The following MITF variants were observed in gnomAD, a reference collection of about 807,000 sequenced individuals.
MITF encodes the protein melanocyte inducing transcription factor, also known as microphthalmia-associated transcription factor.
In MITF, 17 loss-of-function variants were observed where a neutral mutation model predicts 60.5. That is an observed-to-expected ratio of 0.28 (90% confidence interval 0.19 to 0.42). MITF has a LOEUF of 0.42. Ranked by LOEUF, MITF falls within the 10% of genes least tolerant of loss-of-function variation. The probability of loss-of-function intolerance (pLI) is 1.00; values close to 1 mark genes in which losing one functional copy is unlikely to be tolerated. For missense variants in MITF, 622 were observed against 683.5 expected (o/e 0.91, Z 1.00); for synonymous variants, 260 against 248.5 (o/e 1.05, Z -0.43).
intron 1 of MITF, among the ~76,000 whole-genome samples, chr3:69,870,920 C>T (rs1559687073): frequency 6.6e-6 from 1 of 152,074 alleles, no homozygotes. Context: ...GACTTTTTCC[C>T]CAGTATTACT....
chr3:69,908,962 T>C (rs1388024998), intron 2 of MITF, among the ~76,000 whole-genome samples: 2 of 152,250 alleles, frequency 1.3e-5, no homozygotes, highest in African/African-American at 2.4e-5. Flanking sequence ...CTTATAGTTA[T>C]AGGATATAGT....
At chr3:69,951,383 A>G (rs1164817200) in intron 6 of MITF, among the ~76,000 whole-genome samples, 4 of 151,982 alleles carry the variant, frequency 2.6e-5, no homozygotes, top group Non-Finnish European at 5.9e-5. Context: ...CTGGGCCACT[A>G]CTCAGTTTTT....
At chr3:69,894,224 A>G (rs931826204) in intron 2 of MITF, among the ~76,000 whole-genome samples, 15 of 152,232 alleles carry the variant, frequency 9.9e-5, no homozygotes, top group Non-Finnish European at 1.6e-4. Context: ...CAGGGCCTAC[A>G]TTGCAGAACC....
chr3:69,822,135 A>C (rs2063285683), intron 1 of MITF, among the ~76,000 whole-genome samples: 2 of 152,222 alleles, frequency 1.3e-5, no homozygotes, highest in Non-Finnish European at 2.9e-5. Context: ...AAAGGTCTAC[A>C]AACTATAAAC....
At chr3:69,939,297 T>A in intron 4 of MITF, 116 bp downstream of exon 4, 1 of 913,254 alleles carries the variant, frequency 1.1e-6, no homozygotes, top group Middle Eastern at 2.2e-4. Flanking sequence ...TTTTTTTTTT[T>A]TTTATAGAGA....
chr3:69,938,102 G>T, intron 3 of MITF, 53 bp downstream of exon 3: 7 of 1,557,336 alleles, frequency 4.5e-6, no homozygotes, highest in Non-Finnish European at 6.2e-6. Context: ...TAACTTGTCT[G>T]TTGAATATGA....
intron 2 of MITF, among the ~76,000 whole-genome samples, chr3:69,905,521 A>G (rs1412947025): frequency 1.3e-5 from 2 of 152,128 alleles, no homozygotes; most frequent in African/African-American, 4.8e-5. Flanking sequence ...GCTGAATCAT[A>G]TAGTAGACAT....
intron 1 of MITF, among the ~76,000 whole-genome samples, chr3:69,821,003 C>T (rs1529586): frequency 6.6e-6 from 1 of 151,824 alleles, no homozygotes; most frequent in African/African-American, 2.4e-5. Context: ...ATTTCAGCCT[C>T]GTTGTAGGAT....
chr3:69,867,767 G>C (rs1225686261), intron 1 of MITF, among the ~76,000 whole-genome samples: 1 of 152,158 alleles, frequency 6.6e-6, no homozygotes, highest in Non-Finnish European at 1.5e-5. Flanking sequence ...TTCTACGTAA[G>C]AATGGTAGTA....
intron 5 of MITF, among the ~76,000 whole-genome samples, chr3:69,946,613 C>A (rs759742898): frequency 1.3e-5 from 2 of 152,044 alleles, no homozygotes; most frequent in Non-Finnish European, 2.9e-5. Flanking sequence ...AATGAGATGA[C>A]CCCCAGCAAA....
intron 1 of MITF, among the ~76,000 whole-genome samples, chr3:69,768,151 A>G (rs571208447): frequency 3.3e-5 from 5 of 152,352 alleles, no homozygotes; most frequent in African/African-American, 1.2e-4. Context: ...TATAAGGTGC[A>G]TGAGCAAAAT....
intron 1 of MITF, among the ~76,000 whole-genome samples, chr3:69,844,975 T>C (rs888275193): frequency 7.2e-5 from 11 of 152,184 alleles, no homozygotes; most frequent in Admixed American, 1.3e-4. Flanking sequence ...TTTACTTTTT[T>C]TAATTTTACC....
At chr3:69,836,154 T>G (rs1381869941) in intron 1 of MITF, among the ~76,000 whole-genome samples, 2 of 152,168 alleles carry the variant, frequency 1.3e-5, no homozygotes, top group African/African-American at 4.8e-5. Flanking sequence ...TCTTTCTTCC[T>G]TGTTTTATAG....
At chr3:69,879,526 G>T (rs17006549) in intron 2 of MITF, 143 bp downstream of exon 2, 1 of 1,414,652 alleles carries the variant, frequency 7.1e-7, no homozygotes, top group Non-Finnish European at 9.6e-7. Context: ...TAATTCTTAC[G>T]TGGCTTTATA....
intron 1 of MITF, among the ~76,000 whole-genome samples, chr3:69,817,089 T>C (rs2063193970): frequency 6.6e-6 from 1 of 152,178 alleles, no homozygotes; most frequent in Non-Finnish European, 1.5e-5. Context: ...AATACTCATA[T>C]AAGTTTAGGG....
intron 2 of MITF, among the ~76,000 whole-genome samples, chr3:69,894,395 C>T (rs777237351): frequency 1.8e-4 from 28 of 152,132 alleles, no homozygotes; most frequent in Non-Finnish European, 3.1e-4. Context: ...TATTGGACTG[C>T]GCTGTGCTGG....
At chr3:69,804,510 A>G (rs2062974312) in intron 1 of MITF, among the ~76,000 whole-genome samples, 1 of 152,162 alleles carries the variant, frequency 6.6e-6, no homozygotes, top group African/African-American at 2.4e-5. Context: ...CCCAACATTT[A>G]CTACATTTTT....
At position 69,837,356 on chromosome 3, in the gene MITF, C is replaced by A. The variant is rs142967224; in HGVS notation, c.105-41778C>A. Among the ~76,000 whole-genome samples the A allele has an allele frequency of 3.9e-5, 6 of 152,274 alleles. No homozygotes were observed. In the East Asian group the frequency reaches 1.2e-3, roughly 29 times the overall value. Reference sequence around the variant, plus strand: ...CGCAATACCTTTTGATTTTTTAAGGCAGGTATTACTTTCTACCTTGTTTGA... The same window carrying A: ...CGCAATACCTTTTGATTTTTTAAGGAAGGTATTACTTTCTACCTTGTTTGA... On this transcript the variant is annotated intron_variant, in intron 1 of 9. Transcript: ENST00000352241.
intron 1 of MITF, among the ~76,000 whole-genome samples, chr3:69,822,180 C>T (rs1298044771): frequency 6.6e-6 from 1 of 152,170 alleles, no homozygotes; most frequent in Non-Finnish European, 1.5e-5. Flanking sequence ...ATGGATGCCC[C>T]TACAATTAAG....
Sources: allele counts gnomAD v4.1 joint callset (sites outside exome capture counted in the v4.1 genomes callset), GRCh38; gene constraint gnomAD v4.1.1; transcripts MANE v1.5; gene names NCBI Gene and HGNC (gene_info 2026-07-23, HGNC 2026-07-21).